The following FLT1 variants were observed in gnomAD, a reference collection of about 807,000 sequenced individuals.
The protein encoded by FLT1 is vascular endothelial growth factor receptor 1.
In FLT1, 49 loss-of-function variants were observed where a neutral mutation model predicts 156.3. That is an observed-to-expected ratio of 0.31 (90% CI 0.25 to 0.40). The LOEUF is 0.40. FLT1 is among the 10% of genes least tolerant of loss of function. The pLI is 1.00. For missense variants in FLT1, 1,322 were observed against 1,637.2 expected (o/e 0.81, Z 3.32); for synonymous variants, 594 against 583.8 (o/e 1.02, Z -0.25).
At chr13:28,455,345 C>T (rs1879199703) in intron 3 of FLT1, among the ~76,000 whole-genome samples, 1 of 152,176 alleles carries the variant, frequency 6.6e-6, no homozygotes, top group Non-Finnish European at 1.5e-5. Flanking sequence ...AATAGGCTCA[C>T]ATAAATACAG....
chr13:28,459,469 A>C (rs1162145782), intron 3 of FLT1, among the ~76,000 whole-genome samples: 3 of 149,566 alleles, frequency 2.0e-5, no homozygotes, highest in Non-Finnish European at 4.4e-5. Context: ...TTAGGGATAG[A>C]GGTGAGATGA....
intron 10 of FLT1, among the ~76,000 whole-genome samples, chr13:28,411,021 G>A (rs527565083): frequency 3.3e-5 from 5 of 152,168 alleles, no homozygotes; most frequent in African/African-American, 7.2e-5. Flanking sequence ...ACTCTGGGGG[G>A]CCTCTAAATT....
At chr13:28,319,297 T>A (rs1179844366) in intron 24 of FLT1, 126 bp downstream of exon 24, 1 of 704,336 alleles carries the variant, frequency 1.4e-6, no homozygotes, top group African/African-American at 1.8e-5. Context: ...CATGGGCCCA[T>A]TACACTTTAA....
chr13:28,350,811 C>T (rs894482269), intron 15 of FLT1, among the ~76,000 whole-genome samples: 3 of 152,162 alleles, frequency 2.0e-5, no homozygotes, highest in African/African-American at 7.2e-5. Context: ...GCCCCTTCCT[C>T]ACACGTGAAT....
chr13:28,319,341 G>T (rs1781266207), intron 24 of FLT1, 82 bp downstream of exon 24: 3 of 905,686 alleles, frequency 3.3e-6, no homozygotes, highest in Non-Finnish European at 3.6e-6. Context: ...TAATCTAAAG[G>T]CTGTCTAACC....
chr13:28,390,080 T>A lies in FLT1; in HGVS notation c.1685A>T (p.Asn562Ile), dbSNP rs773467897. Residue 562 changes from asparagine (N) to isoleucine (I), a missense_variant, in exon 13 of 30, where the codon AAC becomes ATC. Coordinates refer to ENST00000282397, the MANE Select transcript of FLT1 (RefSeq NM_002019.4). ...TCCTTCCGTCGGCATTTTTTCCAAG[T>A]TAACATGAAACCCATTTGGCACATC... is the stretch of plus-strand genomic sequence containing the variant. ...ITDVPNGFHVNLEKMPTEGED... is the reference protein window; with the variant it reads ...ITDVPNGFHVILEKMPTEGED... The A allele has an allele frequency of 6.2e-7, 1 of 1,614,162 alleles. No individual in the cohort carries two copies. The highest frequency in any genetic ancestry group is 1.1e-5 in the South Asian group (1 of 91,084).
At chr13:28,327,665 G>A (rs548365953) in intron 19 of FLT1, 115 bp from the exon 20 acceptor site, 92 of 712,530 alleles carry the variant, frequency 1.3e-4, no homozygotes, top group African/African-American at 6.0e-4. Flanking sequence ...TTAGTGGGGC[G>A]AAGGGATGCG....
At chr13:28,419,412 G>A (rs1011412162) in intron 10 of FLT1, among the ~76,000 whole-genome samples, 25 of 152,168 alleles carry the variant, frequency 1.6e-4, no homozygotes, top group African/African-American at 6.0e-4. Flanking sequence ...CAGGACATTA[G>A]TTTCTAGATT....
At chr13:28,357,784 C>T (rs1481229036) in intron 14 of FLT1, 99 bp from the exon 15 acceptor site, 3 of 1,121,410 alleles carry the variant, frequency 2.7e-6, no homozygotes, top group Non-Finnish European at 4.0e-6. Context: ...TGCATTCAGA[C>T]AAGGAAATCC....
chr13:28,459,644 G>T (rs1219422472), intron 3 of FLT1, among the ~76,000 whole-genome samples: 1 of 152,202 alleles, frequency 6.6e-6, no homozygotes, highest in African/African-American at 2.4e-5. Context: ...ACCAACTAGT[G>T]TGGCTATGAG....
Position 28,322,918 on chromosome 13 carries a change from T to C in FLT1, c.2825A>G (p.Lys942Arg). 2 of 1,614,150 alleles carry C rather than the reference T, an allele frequency of 1.2e-6. No individual in the cohort carries two copies. Among genetic ancestry groups the C allele is most frequent in the East Asian group, 2.2e-5 (1 of 44,878 alleles). The change falls in exon 21 of 30, where the codon AAA (lysine) becomes AGA (arginine). Residue 942 changes from lysine to arginine, a missense_variant. This residue lies in a region of FLT1 where 991 missense variants were observed against 1,254.8 expected (regional missense o/e 0.79). Transcript: ENST00000282397. This position sits in a 1 kb window ranked among gnomAD's most constrained non-coding sequence, Gnocchi z 4.3. ...TTCCAGGCCTGGCTCCATTTTTTCT[T>C]TCTTAGGCTCCATGTGTAGTGCTGC... ...KDAALHMEPK[K>R]EKMEPGLEQG...
At chr13:28,401,317 T>C (rs947707107) in intron 11 of FLT1, among the ~76,000 whole-genome samples, 4 of 152,244 alleles carry the variant, frequency 2.6e-5, no homozygotes, top group Admixed American at 2.0e-4. Context: ...TTGCCTGGCC[T>C]GGCCCTCAAG....
intron 29 of FLT1, among the ~76,000 whole-genome samples, chr13:28,305,908 A>G (rs1204422121): frequency 6.6e-6 from 1 of 152,154 alleles, no homozygotes; most frequent in Non-Finnish European, 1.5e-5. Flanking sequence ...AGTAGGGAGC[A>G]TTTGCTGACT....
At chr13:28,402,776 G>T (rs977625184) in intron 11 of FLT1, among the ~76,000 whole-genome samples, 3 of 151,908 alleles carry the variant, frequency 2.0e-5, no homozygotes, top group Non-Finnish European at 4.4e-5. Flanking sequence ...TTTACGTTAC[G>T]TTACGTTATG....
At chr13:28,382,140 G>A (rs1874105605) in intron 14 of FLT1, among the ~76,000 whole-genome samples, 1 of 152,186 alleles carries the variant, frequency 6.6e-6, no homozygotes, top group African/African-American at 2.4e-5. Context: ...CAGCAAGAGA[G>A]AAGTAGAAAC....
intron 12 of FLT1, among the ~76,000 whole-genome samples, chr13:28,390,666 G>C (rs142066646): frequency 0.018 from 2,788 of 152,148 alleles, 47 homozygotes; most frequent in Non-Finnish European, 0.027. Flanking sequence ...CAAAGTGCTG[G>C]GATTACAGGC....
intron 3 of FLT1, 121 bp from the exon 4 acceptor site, chr13:28,438,466 A>G (rs866529937): frequency 1.5e-5 from 11 of 754,880 alleles, no homozygotes; most frequent in South Asian, 6.1e-5. Flanking sequence ...CCTTAATGTA[A>G]TCCATACATT....
chr13:28,485,406 T>C (rs1881092882), intron 1 of FLT1, among the ~76,000 whole-genome samples: 1 of 152,164 alleles, frequency 6.6e-6, no homozygotes, highest in Non-Finnish European at 1.5e-5. Flanking sequence ...CAAAACAAAA[T>C]TTGAATTAAG....
At chr13:28,390,951 C>G (rs1874675259) in intron 12 of FLT1, among the ~76,000 whole-genome samples, 5 of 152,210 alleles carry the variant, frequency 3.3e-5, no homozygotes, top group African/African-American at 1.2e-4. Context: ...CTGCTCCTGT[C>G]CCAGATTACT....
Sources: gnomAD v4.1 joint callset for allele counts (sites outside exome capture counted in the v4.1 genomes callset) on GRCh38, gnomAD v4.1.1 for gene constraint, gnomAD v4.1.1 regional missense constraint, Gnocchi (gnomAD v3.1) non-coding constraint, MANE v1.5 for transcripts, NCBI Gene and HGNC (gene_info 2026-07-23, HGNC 2026-07-21) for gene names.